Variants in LRFN5 observed in about 807,000 individuals in gnomAD.
LRFN5 encodes the protein leucine rich repeat and fibronectin type III domain containing 5.
A neutral mutation model predicts 45.6 loss-of-function variants in LRFN5; 24 were observed. The observed-to-expected ratio is 0.53, with a 90% CI of 0.38 to 0.74. The LOEUF is 0.74. Ranked by LOEUF, LRFN5 falls within the 30% of genes least tolerant of loss-of-function variation. The pLI is 0.00. For missense variants in LRFN5, 776 were observed against 861.5 expected, an observed-to-expected ratio of 0.90 and a Z score of 1.24; for synonymous variants, 340 against 313.8, an observed-to-expected ratio of 1.08 and a Z score of -0.88.
intron 1 of LRFN5, among the ~76,000 whole-genome samples, chr14:41,762,895 A>G (rs1885728663): frequency 6.6e-6 from 1 of 152,202 alleles, no homozygotes; most frequent in Admixed American, 6.5e-5. Flanking sequence ...CACAAAGTAA[A>G]TATAGCTAAA....
In LRFN5 at chr14:41,607,940, T is replaced by A. The variant is rs1594543090; in HGVS notation, c.-819T>A. The A allele has an allele frequency of 6.6e-6, 1 of 152,222 alleles. No individual in the cohort carries two copies. The highest frequency in any genetic ancestry group is 1.5e-5 in the Non-Finnish European group (1 of 68,020). The allele number at this position is 152,222 out of a possible 1,614,324, so 9.4% of individuals were successfully genotyped here. On this transcript the variant is annotated 5_prime_UTR_variant, in exon 1 of 6. Coordinates refer to ENST00000298119, the MANE Select transcript of LRFN5 (RefSeq NM_152447.5). ...ACAAAACAAAACAAAACAAATAAGG[T>A]AATGAGGATTGCTTATTAAACTGCT...
chr14:41,781,933 A>G (rs1407677602), intron 2 of LRFN5, among the ~76,000 whole-genome samples: 1 of 152,028 alleles, frequency 6.6e-6, no homozygotes, highest in African/African-American at 2.4e-5. Flanking sequence ...CTCTGCAAAT[A>G]AGCTGCTTTT....
At chr14:41,754,155 A>G (rs1157588940) in intron 1 of LRFN5, among the ~76,000 whole-genome samples, 2 of 152,118 alleles carry the variant, frequency 1.3e-5, no homozygotes, top group East Asian at 3.9e-4. Flanking sequence ...GTGCTGCTGG[A>G]TTCGGTTTGC....
chr14:41,766,151 T>C (rs1885876224), intron 1 of LRFN5, among the ~76,000 whole-genome samples: 1 of 152,206 alleles, frequency 6.6e-6, no homozygotes, highest in Admixed American at 6.5e-5. Flanking sequence ...TCAGCCTATT[T>C]CTGCATTACA....
chr14:41,878,776 T>C (rs1443607914), intron 2 of LRFN5, among the ~76,000 whole-genome samples: 1 of 152,142 alleles, frequency 6.6e-6, no homozygotes, highest in Non-Finnish European at 1.5e-5. Context: ...ATAGTATGTT[T>C]TATATTTATG....
chr14:41,673,838 G>A (rs1254291974), intron 1 of LRFN5, among the ~76,000 whole-genome samples: 20 of 148,594 alleles, frequency 1.3e-4, no homozygotes, highest in South Asian at 2.2e-4. Flanking sequence ...GCAGATGGCC[G>A]GGCGGGGGGC....
intron 1 of LRFN5, among the ~76,000 whole-genome samples, chr14:41,694,942 G>C (rs1467413331): frequency 1.3e-5 from 2 of 151,924 alleles, no homozygotes; most frequent in Non-Finnish European, 2.9e-5. Flanking sequence ...ATTAAGCTTA[G>C]TAAAAAAGGC....
chr14:41,888,357 G>T (rs1890654783), intron 3 of LRFN5, among the ~76,000 whole-genome samples: 1 of 152,068 alleles, frequency 6.6e-6, no homozygotes, highest in African/African-American at 2.4e-5. Context: ...AAGCCACGTT[G>T]GGAGGCTATA....
chr14:41,892,921 C>A (rs2139165539), intron 4 of LRFN5: 2 of 985,008 alleles, frequency 2.0e-6, no homozygotes, highest in East Asian at 1.1e-4. Flanking sequence ...GTTCTTAATA[C>A]AAGATAAAGA....
At chr14:41,705,115 C>T (rs1192318553) in intron 1 of LRFN5, among the ~76,000 whole-genome samples, 1 of 151,916 alleles carries the variant, frequency 6.6e-6, no homozygotes. Flanking sequence ...GAGAGAGTAA[C>T]AATTTTTCAT....
In LRFN5 at chr14:41,904,468, A is replaced by G. The variant is rs1168512131; in HGVS notation, c.*293A>G. On this transcript the variant is annotated 3_prime_UTR_variant, in exon 6 of 6. Transcript: ENST00000298119. ...CAAGTTCTGTATCAATCCATCTTACATTGCCATCCATGATTTAACAGACTG... is the reference window on the plus strand; with the variant it reads ...CAAGTTCTGTATCAATCCATCTTACGTTGCCATCCATGATTTAACAGACTG... The G allele has an allele frequency of 1.9e-5, 6 of 323,672 alleles. No individual in the cohort carries two copies. Among genetic ancestry groups the G allele is most frequent in the Non-Finnish European group, 2.2e-5 (4 of 178,956 alleles). The allele number at this position is 323,672 out of a possible 1,614,324, so 20.1% of individuals were successfully genotyped here. A position where few individuals can be genotyped will look rare whatever the true frequency, so the allele number is the denominator to read the frequency against.
At chr14:41,870,840 A>G (rs1397718869) in intron 2 of LRFN5, among the ~76,000 whole-genome samples, 1 of 152,182 alleles carries the variant, frequency 6.6e-6, no homozygotes, top group Admixed American at 6.5e-5. Context: ...GGGAGTAGCA[A>G]TAACAGGGAC....
chr14:41,658,386 A>AATT (rs2138632803), intron 1 of LRFN5, among the ~76,000 whole-genome samples: 1 of 152,092 alleles, frequency 6.6e-6, no homozygotes, highest in South Asian at 2.1e-4. Flanking sequence ...ATCATGACTT[A>AATT]ATTAATACAT....
intron 1 of LRFN5, among the ~76,000 whole-genome samples, chr14:41,752,712 G>T (rs930374461): frequency 1.3e-5 from 2 of 152,074 alleles, no homozygotes; most frequent in African/African-American, 4.8e-5. Context: ...CCATTCTGTA[G>T]GTTGCCTGTT....
chr14:41,802,422 G>A (rs1005871832), intron 2 of LRFN5, among the ~76,000 whole-genome samples: 4 of 152,152 alleles, frequency 2.6e-5, no homozygotes, highest in African/African-American at 9.7e-5. Context: ...TAGGAGATAA[G>A]GAATTCCATC....
chr14:41,830,239 T>A (rs1261677991), intron 2 of LRFN5, among the ~76,000 whole-genome samples: 1 of 152,046 alleles, frequency 6.6e-6, no homozygotes, highest in East Asian at 1.9e-4. Flanking sequence ...ACTTTTCATG[T>A]TTTTTATTGT....
intron 2 of LRFN5, among the ~76,000 whole-genome samples, chr14:41,806,272 T>C (rs1887523141): frequency 6.6e-6 from 1 of 152,132 alleles, no homozygotes; most frequent in African/African-American, 2.4e-5. Flanking sequence ...CAACTTAGGA[T>C]TGACTGCCTT....
intron 1 of LRFN5, among the ~76,000 whole-genome samples, chr14:41,697,874 A>G (rs1010385767): frequency 3.9e-5 from 6 of 152,012 alleles, no homozygotes; most frequent in African/African-American, 1.4e-4. Flanking sequence ...GTGAGTTATT[A>G]AAATATTTTT....
At chr14:41,671,591 A>C (rs1353275945) in intron 1 of LRFN5, among the ~76,000 whole-genome samples, 1 of 124,740 alleles carries the variant, frequency 8.0e-6, no homozygotes, top group Non-Finnish European at 1.6e-5. Context: ...CATTGTGTGG[A>C]TGTGGAGGAG....
Sources: allele counts gnomAD v4.1 joint callset (sites outside exome capture counted in the v4.1 genomes callset), GRCh38; gene constraint gnomAD v4.1.1; transcripts MANE v1.5; gene names NCBI Gene and HGNC (gene_info 2026-07-23, HGNC 2026-07-21).